The following TWIST1 variants were observed in gnomAD, a reference collection of about 807,000 sequenced individuals.
TWIST1 encodes twist family bHLH transcription factor 1.
Under a neutral mutation model 12.9 loss-of-function variants are expected in TWIST1, and 8 were observed. The observed-to-expected ratio is 0.62, with a 90% CI of 0.37 to 1.12. The LOEUF is 1.12. TWIST1 is among the 50% of genes most tolerant of loss of function. The pLI, the probability that TWIST1 is intolerant of heterozygous loss-of-function variation, is 0.02. For missense variants in TWIST1, 268 were observed against 299.7 expected (o/e 0.89, Z 0.78); for synonymous variants, 169 against 138.7 (o/e 1.22, Z -1.54).
Position 19,117,333 on chromosome 7 carries a change from C to T in TWIST1, c.-12G>A, listed in dbSNP as rs1022831588. ...ACGTCCTGCATCATCTCTCGAGCGG[C>T]GACGCGTGGCCTCGCGGGCCCGGGG... On this transcript the variant is annotated 5_prime_UTR_variant, in exon 1 of 2. Transcript: ENST00000242261. 7 of 1,454,630 alleles carry T rather than the reference C, an allele frequency of 4.8e-6. No homozygotes were observed. Among genetic ancestry groups the T allele is most frequent in the Middle Eastern group, 2.4e-4 (1 of 4,172 alleles). 90.1% of individuals were successfully genotyped at this position (1,454,630 alleles called of 1,614,324 possible). A position where few individuals can be genotyped will look rare whatever the true frequency, so the allele number is the denominator to read the frequency against.
downstream of TWIST1, among the ~76,000 whole-genome samples, chr7:19,114,880 T>G (rs932779483): frequency 1.3e-5 from 2 of 152,208 alleles, no homozygotes; most frequent in East Asian, 3.8e-4. Flanking sequence ...AGCGATATAT[T>G]AACTTTTCTT....
chr7:19,113,311 G>A (rs1788507259), downstream of TWIST1: 1 of 152,160 alleles, frequency 6.6e-6, no homozygotes, highest in Non-Finnish European at 1.5e-5. Flanking sequence ...CTTTCCCCTA[G>A]CAAATGCATT....
rs762445986 is a variant in TWIST1 at position 19,116,724 on chromosome 7, C to T, written c.598G>A (p.Ala200Thr). 3 of 1,608,324 alleles carry T rather than the reference C, an allele frequency of 1.9e-6. No homozygotes were observed. In the East Asian group the frequency reaches 6.7e-5, roughly 36 times the overall value. Residue 200 changes from alanine to threonine, a missense_variant, in exon 1 of 2, where the codon GCG becomes ACG. Coordinates refer to ENST00000242261, the MANE Select transcript of TWIST1 (RefSeq NM_000474.4). ...GGGGGCTCCGCCTGCTAGTGGGACGCGGACATGGACCAGGCCCCCTCCATC... is the reference window on the plus strand; with the variant it reads ...GGGGGCTCCGCCTGCTAGTGGGACGTGGACATGGACCAGGCCCCCTCCATC... ...WRMEGAWSMS[A>T]SH
chr7:19,116,577 A>AG, intron 1 of TWIST1, 94 bp downstream of exon 1: 1 of 984,082 alleles, frequency 1.0e-6, no homozygotes, highest in Non-Finnish European at 1.5e-6. Flanking sequence ...AGAGTGGGAG[A>AG]GGGGAGGAAA....
chr7:19,116,612 C>G (rs1339137126), intron 1 of TWIST1, 59 bp downstream of exon 1: 2 of 1,376,510 alleles, frequency 1.5e-6, no homozygotes, highest in Non-Finnish European at 2.0e-6. Context: ...GAACCGCGGC[C>G]TGGCCGGCCT....
At chr7:19,116,357 G>A (rs994187014) in intron 1 of TWIST1, among the ~76,000 whole-genome samples, 1 of 152,202 alleles carries the variant, frequency 6.6e-6, no homozygotes, top group Non-Finnish European at 1.5e-5. Flanking sequence ...ATTGAAAGCC[G>A]AAAGAAAGGG....
At chr7:19,114,017 A>G (rs908403308), downstream of TWIST1, 1 of 152,136 alleles carries the variant, frequency 6.6e-6, no homozygotes, top group Non-Finnish European at 1.5e-5. Flanking sequence ...ACATACAAAA[A>G]AGAATTACCA....
Position 19,117,239 on chromosome 7 carries a change from TG to T in TWIST1, c.82del (p.Gln28SerfsTer97). 1 of 1,426,442 alleles carries T rather than the reference TG, an allele frequency of 7.0e-7. No individual in the cohort carries two copies. The highest frequency in any genetic ancestry group is 1.4e-5 in the South Asian group (1 of 73,546). 88.4% of individuals were successfully genotyped at this position (1,426,442 alleles called of 1,614,324 possible). A position where few individuals can be genotyped will look rare whatever the true frequency, so the allele number is the denominator to read the frequency against. On this transcript the variant is annotated frameshift_variant, in exon 1 of 2. Transcript: ENST00000242261. LOFTEE classifies it high-confidence loss of function. ...SNSEEEPDRQ[Q>X]PPSGKRGGRK... Reference sequence around the variant, plus strand: ...TCCCCCGCGCTTGCCGCTCGGCGGCTGCTGCCGGTCTGGCTCTTCCTCGCTG... The same window carrying T: ...TCCCCCGCGCTTGCCGCTCGGCGGCTCTGCCGGTCTGGCTCTTCCTCGCTG...
Position 19,117,423 on chromosome 7 carries a change from A to G in TWIST1, c.-102T>C, listed in dbSNP as rs548571073. ...CCCGCGCGCGGCGCCGGCCCGGGCG[A>G]TGCGGCCCGCGGAGGAGAGAGCAGG... On this transcript the variant is annotated 5_prime_UTR_variant, in exon 1 of 2. Transcript: ENST00000242261. 1 of 1,197,382 alleles carries G rather than the reference A, an allele frequency of 8.4e-7. No homozygotes were observed. Among genetic ancestry groups the G allele is most frequent in the Non-Finnish European group, 1.0e-6 (1 of 962,100 alleles). 74.2% of individuals were successfully genotyped at this position (1,197,382 alleles called of 1,614,324 possible).
chr7:19,116,494 G>A (rs944558550), intron 1 of TWIST1, among the ~76,000 whole-genome samples, 177 bp downstream of exon 1: 2 of 152,176 alleles, frequency 1.3e-5, no homozygotes, highest in Admixed American at 6.5e-5. Flanking sequence ...CTCCCTAGCG[G>A]GGTCAGACCG....
At chr7:19,116,608 C>T in intron 1 of TWIST1, 63 bp downstream of exon 1, 2 of 1,323,156 alleles carry the variant, frequency 1.5e-6, no homozygotes, top group Non-Finnish European at 2.1e-6. Context: ...CTGGGAACCG[C>T]GGCCTGGCCG....
chr7:19,116,589 C>T lies in TWIST1; in HGVS notation c.*42+82G>A, dbSNP rs1788571007. Reference sequence around the variant, plus strand: ...CGGAGAGTGGGAGAGGGGAGGAAATCGAGGTGGACTGGGAACCGCGGCCTG... The same window carrying T: ...CGGAGAGTGGGAGAGGGGAGGAAATTGAGGTGGACTGGGAACCGCGGCCTG... On this transcript the variant is annotated intron_variant, in intron 1 of 1. Transcript: ENST00000242261. The T allele has an allele frequency of 6.3e-6, 7 of 1,102,518 alleles. No individual in the cohort carries two copies. In the South Asian group the frequency reaches 1.0e-4, roughly 16 times the overall value. The allele number at this position is 1,102,518 out of a possible 1,614,324, so 68.3% of individuals were successfully genotyped here.
intron 1 of TWIST1, 92 bp downstream of exon 1, chr7:19,116,579 G>T: frequency 9.9e-7 from 1 of 1,008,024 alleles, no homozygotes; most frequent in Non-Finnish European, 1.4e-6. Flanking sequence ...AGTGGGAGAG[G>T]GGAGGAAATC....
rs565371578 is a variant in TWIST1, at chr7:19,117,142, G to T, written c.180C>A (p.Val60=). The change falls in exon 1 of 2, where the codon GTC becomes GTA. Residue 60 remains valine, a synonymous_variant. Transcript: ENST00000242261. ...AGPGGAAGGG[V]GGGDEPGSPA... is the part of the protein sequence containing the mutation. The stretch of plus-strand genomic sequence containing the variant: ...GGCTGCCCGGCTCGTCGCCGCCTCC[G>T]ACGCCCCCACCCGCGGCTCCGCCGG... 5.5e-6 allele frequency: 6 copies of T among 1,095,186 alleles called. No individual in the cohort carries two copies. The African/African-American group carries it at 8.4e-5, about 15-fold the overall frequency. 67.8% of individuals were successfully genotyped at this position (1,095,186 alleles called of 1,614,324 possible).
Position 19,117,097 on chromosome 7 carries a change from G to C in TWIST1, c.225C>G (p.Gly75=). ...EPGSPAQGKR[G]KKSAGCGGGG... is the part of the protein sequence containing the mutation. ...CGCCGCCACAGCCCGCAGACTTCTT[G>C]CCGCGCTTGCCCTGGGCCGGGCTGC... The change falls in exon 1 of 2, where the codon GGC becomes GGG. Residue 75 remains glycine, a synonymous_variant. Coordinates refer to ENST00000242261, the MANE Select transcript of TWIST1 (RefSeq NM_000474.4). 2.2e-6 allele frequency: 3 copies of C among 1,357,114 alleles called. No homozygotes were observed. The highest frequency in any genetic ancestry group is 2.8e-6 in the Non-Finnish European group (3 of 1,061,706). The allele number at this position is 1,357,114 out of a possible 1,614,324, so 84.1% of individuals were successfully genotyped here.
chr7:19,116,731 G>A lies in TWIST1; in HGVS notation c.591C>T (p.Ser197=), dbSNP rs750772986. The part of the protein sequence containing the change: ...FSVWRMEGAW[S]MSASH ...CCGCCTGCTAGTGGGACGCGGACAT[G>A]GACCAGGCCCCCTCCATCCTCCAGA... is the stretch of plus-strand genomic sequence containing the variant. The change falls in exon 1 of 2, where the codon TCC becomes TCT. Residue 197 remains serine, a synonymous_variant. Coordinates refer to ENST00000242261, the MANE Select transcript of TWIST1 (RefSeq NM_000474.4). 2 of 1,610,114 alleles carry A rather than the reference G, an allele frequency of 1.2e-6. No individual in the cohort carries two copies. The highest frequency in any genetic ancestry group is 1.7e-6 in the Non-Finnish European group (2 of 1,178,478).
At position 19,116,978 on chromosome 7, in the gene TWIST1, A is replaced by C; in HGVS notation, c.344T>G (p.Val115Gly). ...CGACTGGGTGCGCTGGCGCTCCCGC[A>C]CGTTGGCCATGACCCGCTGCGTCTG... The part of the protein sequence containing the change: ...ELQTQRVMAN[V>G]RERQRTQSLN... Residue 115 changes from valine to glycine, a missense_variant, in exon 1 of 2, where the codon GTG (valine) becomes GGG (glycine). Transcript: ENST00000242261. 6.2e-7 allele frequency: 1 copy of C among 1,612,208 alleles called. No homozygotes were observed. The highest frequency in any genetic ancestry group is 8.5e-7 in the Non-Finnish European group (1 of 1,179,792).
rs1177090761 is a variant in TWIST1, at chr7:19,116,740, C to T, written c.582G>A (p.Gly194=). 7 of 1,611,290 alleles carry T rather than the reference C, an allele frequency of 4.3e-6. No individual in the cohort carries two copies. The highest frequency in any genetic ancestry group is 2.2e-5 in the South Asian group (2 of 90,504). Residue 194 remains glycine (G), a synonymous_variant, in exon 1 of 2, where the codon GGG becomes GGA. Coordinates refer to ENST00000242261, the MANE Select transcript of TWIST1 (RefSeq NM_000474.4). The part of the protein sequence containing the change: ...SYAFSVWRME[G]AWSMSASH Reference sequence around the variant, plus strand: ...AGTGGGACGCGGACATGGACCAGGCCCCCTCCATCCTCCAGACCGAGAAGG... The same window carrying T: ...AGTGGGACGCGGACATGGACCAGGCTCCCTCCATCCTCCAGACCGAGAAGG...
At position 19,117,420 on chromosome 7, in the gene TWIST1, G is replaced by A. The variant is rs1288574185; in HGVS notation, c.-99C>T. The A allele has an allele frequency of 1.7e-5, 21 of 1,218,862 alleles. No individual in the cohort carries two copies. The highest frequency in any genetic ancestry group is 4.6e-5 in the Admixed American group (1 of 21,978). 75.5% of individuals were successfully genotyped at this position (1,218,862 alleles called of 1,614,324 possible). A position where few individuals can be genotyped will look rare whatever the true frequency, so the allele number is the denominator to read the frequency against. On this transcript the variant is annotated 5_prime_UTR_variant, in exon 1 of 2. Coordinates refer to ENST00000242261, the MANE Select transcript of TWIST1 (RefSeq NM_000474.4). ...TCCCCCGCGCGCGGCGCCGGCCCGG[G>A]CGATGCGGCCCGCGGAGGAGAGAGC...
Sources: gnomAD v4.1 joint callset for allele counts (sites outside exome capture counted in the v4.1 genomes callset) on GRCh38, gnomAD v4.1.1 for gene constraint, MANE v1.5 for transcripts, NCBI Gene and HGNC (gene_info 2026-07-23, HGNC 2026-07-21) for gene names.